CADM2: variants seen among roughly 807,000 people sequenced by gnomAD.
CADM2 encodes immunoglobulin superfamily member 4D.
CADM2 carries 12 observed loss-of-function variants against 49.8 expected under a neutral mutation model. The observed-to-expected ratio is 0.24, with a 90% CI of 0.15 to 0.39. CADM2 has a LOEUF of 0.39. Ranked by LOEUF, CADM2 falls within the 10% of genes least tolerant of loss-of-function variation. CADM2 has a pLI of 1.00. For missense variants in CADM2, 378 were observed against 492.3 expected (o/e 0.77, Z 2.20); for synonymous variants, 214 against 175.4 (o/e 1.22, Z -1.74).
chr3:85,113,833 T>C (rs780324897), intron 1 of CADM2, among the ~76,000 whole-genome samples: 20 of 151,944 alleles, frequency 1.3e-4, no homozygotes, highest in Non-Finnish European at 5.9e-5. Context: ...TGATAGTATA[T>C]AGTTAAATGG....
At chr3:85,144,005 G>T (rs946175979) in intron 1 of CADM2, among the ~76,000 whole-genome samples, 2 of 151,978 alleles carry the variant, frequency 1.3e-5, no homozygotes, top group Middle Eastern at 6.3e-3. Context: ...CTCTTTGCTG[G>T]GCCAGGAACA....
chr3:85,936,400 C>T (rs1721193633), intron 7 of CADM2, among the ~76,000 whole-genome samples: 1 of 151,744 alleles, frequency 6.6e-6, no homozygotes, highest in Middle Eastern at 3.2e-3. Flanking sequence ...GTCACTTCAA[C>T]TCTAAAACTT....
chr3:85,507,064 C>A (rs2040386689), intron 1 of CADM2, among the ~76,000 whole-genome samples: 1 of 151,790 alleles, frequency 6.6e-6, no homozygotes. Context: ...AATGTGTTTC[C>A]AAGTTTGTAT....
rs566057467 is a variant in CADM2, at chr3:85,345,234, A to C, written c.62-381288A>C. 3.5e-5 allele frequency among the ~76,000 whole-genome samples: 5 copies of C among 141,072 alleles called. No homozygotes were observed. In the South Asian group the frequency reaches 1.2e-3, roughly 33 times the overall value. 92.5% of individuals were successfully genotyped at this position (141,072 alleles called of 152,430 possible). Reference sequence around the variant, plus strand: ...GGAGCTGAGGCAGGAGAATTGCTTGAACCCGGGAGGCAGAGGCTGCAATGA... The same window carrying C: ...GGAGCTGAGGCAGGAGAATTGCTTGCACCCGGGAGGCAGAGGCTGCAATGA... On this transcript the variant is annotated intron_variant, in intron 1 of 9. Coordinates refer to ENST00000383699, the MANE Select transcript of CADM2 (RefSeq NM_001167675.2).
At chr3:85,595,819 C>T (rs1488880167) in intron 1 of CADM2, among the ~76,000 whole-genome samples, 2 of 151,818 alleles carry the variant, frequency 1.3e-5, no homozygotes, top group Admixed American at 6.6e-5. Context: ...TCTTCATTAA[C>T]GAGATTTTAA....
At chr3:85,328,700 T>G (rs2107139539) in intron 1 of CADM2, among the ~76,000 whole-genome samples, 1 of 152,326 alleles carries the variant, frequency 6.6e-6, no homozygotes, top group Non-Finnish European at 1.5e-5. Flanking sequence ...CTTGAACATC[T>G]AAATCAATGA....
At chr3:85,955,579 TA>T (rs139305646) in intron 7 of CADM2, among the ~76,000 whole-genome samples, 6,025 of 151,582 alleles carry the variant, frequency 0.04, 236 homozygotes, top group East Asian at 0.13. Context: ...CAGAAAAGAT[TA>T]GAAGTACTGT....
chr3:85,821,632 T>G (rs2073574953), intron 3 of CADM2, among the ~76,000 whole-genome samples: 1 of 152,164 alleles, frequency 6.6e-6, no homozygotes, highest in African/African-American at 2.4e-5. Flanking sequence ...TGTTTTATCT[T>G]CTATGCAACA....
At chr3:85,173,253 G>C (rs896278499) in intron 1 of CADM2, among the ~76,000 whole-genome samples, 6 of 151,962 alleles carry the variant, frequency 3.9e-5, no homozygotes, top group Admixed American at 3.3e-4. Flanking sequence ...TGTGAGATAC[G>C]GAGGAGACAA....
At chr3:85,017,928 A>G (rs2034324626) in intron 1 of CADM2, among the ~76,000 whole-genome samples, 1 of 152,216 alleles carries the variant, frequency 6.6e-6, no homozygotes, top group African/African-American at 2.4e-5. Context: ...CTTAAGAGTA[A>G]GAAAAGATTC....
At chr3:85,554,888 T>TA (rs1559906921) in intron 1 of CADM2, among the ~76,000 whole-genome samples, 18 of 151,402 alleles carry the variant, frequency 1.2e-4, no homozygotes, top group Admixed American at 8.6e-4. Flanking sequence ...TTTTATTTTT[T>TA]TTTTTTTTGT....
chr3:85,921,403 T>G (rs1719095079), intron 6 of CADM2, among the ~76,000 whole-genome samples: 1 of 151,996 alleles, frequency 6.6e-6, no homozygotes, highest in Non-Finnish European at 1.5e-5. Context: ...TGTATTAGAC[T>G]TTACTGGATT....
intron 2 of CADM2, among the ~76,000 whole-genome samples, chr3:85,732,345 C>G (rs957206958): frequency 2.0e-5 from 3 of 151,962 alleles, no homozygotes; most frequent in African/African-American, 7.2e-5. Context: ...AATCAGGAGT[C>G]AATTATTGAA....
At chr3:85,912,922 G>GTGGC (rs1291122997) in intron 6 of CADM2, among the ~76,000 whole-genome samples, 1 of 152,120 alleles carries the variant, frequency 6.6e-6, no homozygotes, top group African/African-American at 2.4e-5. Context: ...TTATGCAATT[G>GTGGC]TGGCTTCTCA....
chr3:85,776,134 C>T (rs2070347593), intron 2 of CADM2, among the ~76,000 whole-genome samples: 1 of 151,378 alleles, frequency 6.6e-6, no homozygotes, highest in Non-Finnish European at 1.5e-5. Context: ...TATTGTTATA[C>T]TAGTAAAATG....
intron 1 of CADM2, among the ~76,000 whole-genome samples, chr3:85,449,037 G>A (rs1473247850): frequency 2.9e-5 from 2 of 68,676 alleles, no homozygotes; most frequent in Admixed American, 1.6e-4. Flanking sequence ...GCAAAGGGGC[G>A]AGACTCCAAC....
At chr3:85,788,664 T>C (rs1208054408) in intron 2 of CADM2, among the ~76,000 whole-genome samples, 1 of 151,968 alleles carries the variant, frequency 6.6e-6, no homozygotes, top group Non-Finnish European at 1.5e-5. Flanking sequence ...AACAATTGAT[T>C]TGAGTTTGAA....
intron 1 of CADM2, among the ~76,000 whole-genome samples, chr3:85,588,496 T>C (rs1326037340): frequency 6.6e-6 from 1 of 152,070 alleles, no homozygotes; most frequent in East Asian, 1.9e-4. Flanking sequence ...TTTAATAATG[T>C]ATTCTTCATG....
intron 1 of CADM2, among the ~76,000 whole-genome samples, chr3:85,191,091 A>T (rs769006891): frequency 1.8e-4 from 27 of 152,098 alleles, no homozygotes; most frequent in Non-Finnish European, 3.5e-4. Context: ...TATTAAATAA[A>T]TAGAAGTCTT....
Sources: allele counts gnomAD v4.1 joint callset (sites outside exome capture counted in the v4.1 genomes callset), GRCh38; gene constraint gnomAD v4.1.1; transcripts MANE v1.5; gene names NCBI Gene and HGNC (gene_info 2026-07-23, HGNC 2026-07-21).